Variants in PCDH9 observed in about 807,000 individuals in gnomAD.
PCDH9 encodes protocadherin-9.
A neutral mutation model predicts 70.6 loss-of-function variants in PCDH9; 24 were observed. The ratio of observed to expected loss-of-function variants is 0.34; its 90% CI spans 0.25 to 0.48. The LOEUF (loss-of-function observed/expected upper bound fraction) is 0.48, where lower values mean the gene tolerates loss of function less well. Ranked by LOEUF, PCDH9 falls within the 20% of genes least tolerant of loss-of-function variation. The pLI is 0.99. For synonymous variants in PCDH9, 562 were observed against 558.5 expected (o/e 1.01, Z -0.09); for missense variants, 1,281 against 1,503.6 (o/e 0.85, Z 2.45).
intron 4 of PCDH9, among the ~76,000 whole-genome samples, chr13:66,447,459 C>T (rs1958116817): frequency 6.6e-6 from 1 of 152,052 alleles, no homozygotes; most frequent in African/African-American, 2.4e-5. Flanking sequence ...AATGCATCTT[C>T]TCCCAAGAAA....
chr13:67,203,876 C>T (rs988054556), intron 2 of PCDH9: 3 of 151,678 alleles, frequency 2.0e-5, no homozygotes, highest in Non-Finnish European at 2.9e-5. Context: ...GGAAAAAAAC[C>T]GCCACAGTCT....
chr13:66,678,925 A>C (rs1367369941), intron 3 of PCDH9, among the ~76,000 whole-genome samples: 1 of 151,644 alleles, frequency 6.6e-6, no homozygotes, highest in Non-Finnish European at 1.5e-5. Flanking sequence ...TTGGCCTGGC[A>C]TCAAGTTAGG....
intron 2 of PCDH9, among the ~76,000 whole-genome samples, chr13:66,973,973 C>T (rs1566331824): frequency 6.6e-6 from 1 of 151,910 alleles, no homozygotes; most frequent in Non-Finnish European, 1.5e-5. Context: ...TTTTGCTTAA[C>T]AGGAGTATGG....
chr13:66,730,288 T>G (rs2079055583), intron 3 of PCDH9, among the ~76,000 whole-genome samples: 1 of 152,204 alleles, frequency 6.6e-6, no homozygotes, highest in South Asian at 2.1e-4. Context: ...ATAGCTATAC[T>G]TTTTCATAGC....
intron 4 of PCDH9, among the ~76,000 whole-genome samples, chr13:66,422,677 G>A (rs962599272): frequency 6.6e-6 from 1 of 152,056 alleles, no homozygotes; most frequent in Non-Finnish European, 1.5e-5. Flanking sequence ...GAAATTTATG[G>A]CACTAAATGC....
intron 4 of PCDH9, among the ~76,000 whole-genome samples, chr13:66,459,648 G>A (rs267311): frequency 0.98 from 149,785 of 152,066 alleles, 73,816 homozygotes; most frequent in Middle Eastern, 1. Flanking sequence ...TTTGAAGATT[G>A]CCACTTCAGC....
At chr13:67,140,874 G>A (rs1169810886) in intron 2 of PCDH9, among the ~76,000 whole-genome samples, 1 of 152,174 alleles carries the variant, frequency 6.6e-6, no homozygotes, top group African/African-American at 2.4e-5. Context: ...AACACTGTGT[G>A]TCTGCACAGT....
chr13:66,584,158 T>G (rs1344040548), intron 4 of PCDH9, among the ~76,000 whole-genome samples: 1 of 152,180 alleles, frequency 6.6e-6, no homozygotes, highest in Non-Finnish European at 1.5e-5. Flanking sequence ...AATTTTTTAG[T>G]TTATCAAAGG....
chr13:66,561,561 C>G (rs1353388914), intron 4 of PCDH9, among the ~76,000 whole-genome samples: 1 of 152,170 alleles, frequency 6.6e-6, no homozygotes, highest in East Asian at 1.9e-4. Flanking sequence ...CACTCTGTAT[C>G]TAGCTCAAGG....
At chr13:66,909,359 G>A (rs1451725024) in intron 2 of PCDH9, among the ~76,000 whole-genome samples, 1 of 151,850 alleles carries the variant, frequency 6.6e-6, no homozygotes, top group East Asian at 1.9e-4. Flanking sequence ...TTGTTAAAAT[G>A]ACTATACCGC....
chr13:66,793,026 C>G (rs111661848), intron 3 of PCDH9, among the ~76,000 whole-genome samples: 1 of 151,900 alleles, frequency 6.6e-6, no homozygotes, highest in Admixed American at 6.6e-5. Flanking sequence ...TGGTAAGATT[C>G]TTTGTGAACC....
At chr13:66,823,607 T>C (rs1450331520) in intron 3 of PCDH9, among the ~76,000 whole-genome samples, 2 of 152,082 alleles carry the variant, frequency 1.3e-5, no homozygotes, top group East Asian at 1.9e-4. Flanking sequence ...GACATCTTTA[T>C]ATAAGTTTAA....
At chr13:66,676,362 A>G (rs370745802) in intron 3 of PCDH9, among the ~76,000 whole-genome samples, 34 of 151,786 alleles carry the variant, frequency 2.2e-4, no homozygotes, top group African/African-American at 7.7e-4. Flanking sequence ...GAATTTAGTA[A>G]CAAAATTCTA....
intron 2 of PCDH9, among the ~76,000 whole-genome samples, chr13:67,033,058 C>G (rs1380184847): frequency 6.6e-6 from 1 of 152,008 alleles, no homozygotes; most frequent in Non-Finnish European, 1.5e-5. Context: ...GCAGTTACTT[C>G]CCTGCCTTTC....
intron 2 of PCDH9, among the ~76,000 whole-genome samples, chr13:67,197,259 C>T (rs947760319): frequency 2.0e-5 from 3 of 151,874 alleles, no homozygotes; most frequent in African/African-American, 7.3e-5. Context: ...GTGATCAATG[C>T]ATTCATTCCT....
chr13:66,371,948 T>C (rs993661306), intron 4 of PCDH9, among the ~76,000 whole-genome samples: 1 of 152,070 alleles, frequency 6.6e-6, no homozygotes, highest in African/African-American at 2.4e-5. Flanking sequence ...CAAGCCCTGC[T>C]TGAATAGCTT....
chr13:66,334,879 C>A (rs1371397368), intron 4 of PCDH9, among the ~76,000 whole-genome samples: 2 of 151,970 alleles, frequency 1.3e-5, no homozygotes, highest in African/African-American at 4.8e-5. Flanking sequence ...TTACAAGCTA[C>A]CCCATATAAT....
intron 2 of PCDH9, among the ~76,000 whole-genome samples, chr13:66,934,719 T>A (rs1353306948): frequency 9.6e-6 from 1 of 104,274 alleles, no homozygotes; most frequent in African/African-American, 3.7e-5. Flanking sequence ...TTTTTTTTTT[T>A]TTTTTTTTTT....
At chr13:66,986,700 A>G (rs1267730591) in intron 2 of PCDH9, among the ~76,000 whole-genome samples, 1 of 152,028 alleles carries the variant, frequency 6.6e-6, no homozygotes, top group Non-Finnish European at 1.5e-5. Context: ...TTAGGGTACT[A>G]AAACCATGAT....
Sources: gnomAD v4.1 joint callset for allele counts (sites outside exome capture counted in the v4.1 genomes callset) on GRCh38, gnomAD v4.1.1 for gene constraint, MANE v1.5 for transcripts, NCBI Gene and HGNC (gene_info 2026-07-23, HGNC 2026-07-21) for gene names.